DOCK9: variants seen among roughly 807,000 people sequenced by gnomAD.
DOCK9 encodes dedicator of cytokinesis 9.
DOCK9 carries 89 observed loss-of-function variants against 263.3 expected under a neutral mutation model. The ratio of observed to expected loss-of-function variants is 0.34; its 90% confidence interval spans 0.28 to 0.40. DOCK9 has a LOEUF of 0.40. DOCK9 is among the 10% of genes least tolerant of loss of function. DOCK9 has a pLI of 1.00. For missense variants in DOCK9, 2,140 were observed against 2,603.4 expected (o/e 0.82, Z 3.87); for synonymous variants, 976 against 973.1 (o/e 1.00, Z -0.06).
intron 1 of DOCK9, among the ~76,000 whole-genome samples, chr13:98,968,224 G>A (rs2059390617): frequency 6.6e-6 from 1 of 151,852 alleles, no homozygotes; most frequent in Admixed American, 6.6e-5. Context: ...TTTTAAATAA[G>A]AATTTAAAAT....
intron 9 of DOCK9, among the ~76,000 whole-genome samples, chr13:98,911,892 C>G (rs955126408): frequency 1.9e-5 from 2 of 107,998 alleles, no homozygotes; most frequent in Non-Finnish European, 2.0e-5. Context: ...TTTTTTGAGA[C>G]ACAGTCTTGC....
intron 1 of DOCK9, among the ~76,000 whole-genome samples, chr13:99,036,530 G>T (rs1004159043): frequency 3.3e-5 from 5 of 152,062 alleles, no homozygotes; most frequent in African/African-American, 1.2e-4. Flanking sequence ...TAAGCCACCT[G>T]GTTGTTGGTT....
In DOCK9 at chr13:98,829,090, C is replaced by A. The variant is rs986679745; in HGVS notation, c.4965+217G>T. 6.6e-6 allele frequency among the ~76,000 whole-genome samples: 1 copy of A among 152,162 alleles called. No homozygotes were observed. Among genetic ancestry groups the A allele is most frequent in the Non-Finnish European group, 1.5e-5 (1 of 68,036 alleles). On this transcript the variant is annotated intron_variant, in intron 43 of 52. Transcript: ENST00000682017. The surrounding 1 kb of genome is among the most constrained non-coding windows in gnomAD (Gnocchi z 4.1). ...TAGGTTTAAGAGCTTAAACAATGCT[C>A]TTTGTTGACAAAAATAACCCCTTAC...
At chr13:98,964,373 G>A (rs2058987904) in intron 1 of DOCK9, among the ~76,000 whole-genome samples, 1 of 152,136 alleles carries the variant, frequency 6.6e-6, no homozygotes, top group Non-Finnish European at 1.5e-5. Context: ...CCCCAATTAT[G>A]TGGGGTGCTT....
At chr13:98,914,808 A>C (rs1231018131) in intron 8 of DOCK9, among the ~76,000 whole-genome samples, 2 of 152,210 alleles carry the variant, frequency 1.3e-5, no homozygotes, top group African/African-American at 2.4e-5. Context: ...GAATCACCTA[A>C]GGGTTGAAGT....
chr13:98,838,083 G>A (rs2093075036), intron 38 of DOCK9, among the ~76,000 whole-genome samples: 1 of 152,204 alleles, frequency 6.6e-6, no homozygotes, highest in African/African-American at 2.4e-5. Flanking sequence ...TCCAGCAGGA[G>A]TGCTGGCAGA....
In DOCK9 at chr13:98,956,648, G is replaced by A. The variant is rs1312157321; in HGVS notation, c.127-1097C>T. 3.9e-5 allele frequency among the ~76,000 whole-genome samples: 6 copies of A among 152,218 alleles called. No individual in the cohort carries two copies. The East Asian group carries it at 7.7e-4, about 20-fold the overall frequency. ...TGTAATCCCAGCTACTCGGGAGGCC[G>A]AGGCACGAGAATTACTTGAACTGGG... On this transcript the variant is annotated intron_variant, in intron 1 of 52. Transcript: ENST00000682017.
intron 33 of DOCK9, chr13:98,859,749 GTGTGTATATA>G (rs2093804596): frequency 1.5e-5 from 2 of 136,764 alleles, no homozygotes; most frequent in Non-Finnish European, 3.1e-5. Context: ...GTGTGTGTGT[GTGTGTATATA>G]TATATATATA....
At chr13:98,923,690 A>T (rs1437142371) in intron 4 of DOCK9, among the ~76,000 whole-genome samples, 7 of 152,238 alleles carry the variant, frequency 4.6e-5, no homozygotes, top group African/African-American at 1.7e-4. Flanking sequence ...TACAAAGTTT[A>T]TGAGGAAAAA....
At chr13:99,063,063 A>G (rs1357381470) in intron 1 of DOCK9, among the ~76,000 whole-genome samples, 1 of 152,238 alleles carries the variant, frequency 6.6e-6, no homozygotes, top group Non-Finnish European at 1.5e-5. Context: ...ACGACTCAGA[A>G]TACAAGAGGT....
At chr13:98,841,794 CATT>C (rs71114554) in intron 38 of DOCK9, among the ~76,000 whole-genome samples, 5 of 149,198 alleles carry the variant, frequency 3.4e-5, no homozygotes, top group South Asian at 4.3e-4. Context: ...GATTTTTCTG[CATT>C]ATTATTATTA....
chr13:99,009,083 A>G (rs1381402019), intron 1 of DOCK9, among the ~76,000 whole-genome samples: 1 of 152,244 alleles, frequency 6.6e-6, no homozygotes, highest in Non-Finnish European at 1.5e-5. Flanking sequence ...AGTTTCTACA[A>G]TAAGTGTGCA....
chr13:98,936,425 A>G (rs1273362102), intron 2 of DOCK9, among the ~76,000 whole-genome samples: 1 of 151,988 alleles, frequency 6.6e-6, no homozygotes, highest in African/African-American at 2.4e-5. Context: ...TTCGAGACCA[A>G]CCTGGGCAAC....
chr13:98,904,980 C>T (rs2048864153), intron 9 of DOCK9, among the ~76,000 whole-genome samples: 1 of 152,190 alleles, frequency 6.6e-6, no homozygotes, highest in Admixed American at 6.5e-5. Flanking sequence ...AATAATTAAG[C>T]ATCTGTGTGT....
chr13:98,942,299 C>T (rs1358737981), intron 2 of DOCK9, among the ~76,000 whole-genome samples: 9 of 147,808 alleles, frequency 6.1e-5, no homozygotes, highest in Middle Eastern at 3.7e-3. Flanking sequence ...AGTACAGTGG[C>T]GCGATCTTGG....
At chr13:98,897,654 C>T (rs1457217015) in intron 14 of DOCK9, 44 bp from the exon 15 acceptor site, 1 of 1,603,378 alleles carries the variant, frequency 6.2e-7, no homozygotes, top group Admixed American at 1.7e-5. Flanking sequence ...TTCCAAAACA[C>T]CAAAATCAAT....
chr13:98,885,534 A>AT (rs1418808563), intron 20 of DOCK9, 174 bp downstream of exon 20: 75 of 551,578 alleles, frequency 1.4e-4, no homozygotes, highest in African/African-American at 2.5e-4. Context: ...GAGCTCAAAA[A>AT]TTAAAAAAAA....
chr13:98,936,055 G>C (rs1209578467), intron 2 of DOCK9, among the ~76,000 whole-genome samples: 1 of 152,132 alleles, frequency 6.6e-6, no homozygotes, highest in African/African-American at 2.4e-5. Context: ...TTAATAAAAT[G>C]ACATTCTGGT....
chr13:98,932,422 AC>A (rs2054110824), intron 2 of DOCK9, among the ~76,000 whole-genome samples: 2 of 152,040 alleles, frequency 1.3e-5, no homozygotes, highest in South Asian at 2.1e-4. Flanking sequence ...AAACAAACAA[AC>A]AAACAAACAA....
Sources: allele counts gnomAD v4.1 joint callset (sites outside exome capture counted in the v4.1 genomes callset), GRCh38; gene constraint gnomAD v4.1.1; non-coding constraint Gnocchi (gnomAD v3.1); transcripts MANE v1.5; gene names NCBI Gene and HGNC (gene_info 2026-07-23, HGNC 2026-07-21).